OSBPL10: variants seen among roughly 807,000 people sequenced by gnomAD.
OSBPL10 encodes the protein oxysterol-binding protein-related protein 10.
A neutral mutation model predicts 81.7 loss-of-function variants in OSBPL10; 49 were observed. The observed-to-expected ratio is 0.60, with a 90% confidence interval of 0.48 to 0.76. OSBPL10 has a LOEUF of 0.76. Ranked by LOEUF, OSBPL10 falls within the 30% of genes least tolerant of loss-of-function variation. The pLI is 0.00. For synonymous variants in OSBPL10, 419 were observed against 383.6 expected, an observed-to-expected ratio of 1.09 and a Z score of -1.08; for missense variants, 923 against 987.8, an observed-to-expected ratio of 0.93 and a Z score of 0.88.
intron 4 of OSBPL10, among the ~76,000 whole-genome samples, chr3:31,791,152 T>C (rs1263960788): frequency 1.3e-5 from 2 of 152,236 alleles, no homozygotes; most frequent in Admixed American, 1.3e-4. Context: ...AATAGAAGTG[T>C]CATTTTAAAC....
chr3:31,710,989 G>T (rs1400741345), intron 6 of OSBPL10: 1 of 152,226 alleles, frequency 6.6e-6, no homozygotes, highest in Admixed American at 6.5e-5. Context: ...TTAAGATATG[G>T]TCTCAGCATT....
intron 1 of OSBPL10, among the ~76,000 whole-genome samples, chr3:32,058,649 A>G (rs1275130269): frequency 1.3e-5 from 2 of 152,014 alleles, no homozygotes; most frequent in Non-Finnish European, 2.9e-5. Flanking sequence ...AATGTTTTAA[A>G]TGATGCATGC....
chr3:31,693,672 G>A (rs533891210), intron 7 of OSBPL10, among the ~76,000 whole-genome samples: 6 of 152,226 alleles, frequency 3.9e-5, no homozygotes, highest in African/African-American at 1.4e-4. Flanking sequence ...CATTTTCTAC[G>A]GCTGCCTTTG....
At chr3:31,846,421 C>T (rs1700633175) in intron 3 of OSBPL10, among the ~76,000 whole-genome samples, 1 of 151,986 alleles carries the variant, frequency 6.6e-6, no homozygotes, top group African/African-American at 2.4e-5. Flanking sequence ...GTCAGGAGTT[C>T]GAGATCAGTC....
intron 2 of OSBPL10, among the ~76,000 whole-genome samples, chr3:32,001,531 A>G (rs1699147533): frequency 6.6e-6 from 1 of 152,240 alleles, no homozygotes; most frequent in Admixed American, 6.5e-5. Context: ...CAACTCATTA[A>G]TTAATAGGGA....
intron 3 of OSBPL10, among the ~76,000 whole-genome samples, chr3:31,840,746 C>T (rs996362740): frequency 6.6e-5 from 10 of 152,178 alleles, no homozygotes; most frequent in Non-Finnish European, 1.2e-4. Context: ...CTTCTTTTCT[C>T]CTGTGCTTTT....
At chr3:31,919,090 T>G (rs1696837978) in intron 1 of OSBPL10, among the ~76,000 whole-genome samples, 1 of 152,176 alleles carries the variant, frequency 6.6e-6, no homozygotes, top group South Asian at 2.1e-4. Context: ...TACTGTACCT[T>G]CTACCCAGAA....
At chr3:31,880,927 T>G in intron 1 of OSBPL10, among the ~76,000 whole-genome samples, 1 of 152,336 alleles carries the variant, frequency 6.6e-6, no homozygotes, top group South Asian at 2.1e-4. Context: ...ACAAGCTACA[T>G]ACTAGTCATG....
intron 2 of OSBPL10, 182 bp downstream of exon 2, chr3:31,879,473 T>C: frequency 1.7e-6 from 1 of 603,302 alleles, no homozygotes; most frequent in Non-Finnish European, 2.8e-6. Context: ...GACAAGTAAT[T>C]CCTAATGTCA....
chr3:31,688,279 T>TCACACACACACA (rs879415490), intron 7 of OSBPL10, among the ~76,000 whole-genome samples: 1 of 77,780 alleles, frequency 1.3e-5, no homozygotes, highest in African/African-American at 3.3e-5. Context: ...TCTCTCTCTC[T>TCACACACACACA]CTCTCACACA....
At chr3:31,727,394 A>G (rs199622976) in intron 6 of OSBPL10, among the ~76,000 whole-genome samples, 4 of 114,014 alleles carry the variant, frequency 3.5e-5, no homozygotes, top group East Asian at 2.1e-4. Flanking sequence ...GATTCAAAGG[A>G]AAAAAAAAAA....
chr3:31,734,162 C>G (rs866747538), intron 5 of OSBPL10, among the ~76,000 whole-genome samples: 1 of 152,140 alleles, frequency 6.6e-6, no homozygotes, highest in Non-Finnish European at 1.5e-5. Flanking sequence ...CACCCCTGCC[C>G]TCAGACGTGG....
At chr3:31,768,024 C>A (rs771154777) in intron 4 of OSBPL10, among the ~76,000 whole-genome samples, 2 of 152,130 alleles carry the variant, frequency 1.3e-5, no homozygotes, top group Non-Finnish European at 2.9e-5. Context: ...ATGGTTATTT[C>A]TTGATCGTGC....
At chr3:32,066,891 T>C (rs890468279) in intron 1 of OSBPL10, among the ~76,000 whole-genome samples, 5 of 152,220 alleles carry the variant, frequency 3.3e-5, no homozygotes, top group African/African-American at 1.2e-4. Flanking sequence ...TCACTCATGC[T>C]AAAGTTCTGA....
At chr3:31,846,541 G>C (rs1195517157) in intron 3 of OSBPL10, among the ~76,000 whole-genome samples, 2 of 151,974 alleles carry the variant, frequency 1.3e-5, no homozygotes, top group African/African-American at 4.8e-5. Flanking sequence ...CTGAGGCTGA[G>C]GAATCGCTTG....
intron 2 of OSBPL10, among the ~76,000 whole-genome samples, chr3:32,036,106 G>A (rs994475607): frequency 5.3e-5 from 8 of 152,182 alleles, no homozygotes; most frequent in African/African-American, 1.7e-4. Context: ...GGGGTGCAGT[G>A]GCACATTCCT....
At chr3:31,664,525 C>CA (rs1372659040) in intron 10 of OSBPL10, 1 of 525,300 alleles carries the variant, frequency 1.9e-6, no homozygotes, top group Non-Finnish European at 3.4e-6. Context: ...GCTACTACTA[C>CA]AAACAACGGT....
intron 1 of OSBPL10, among the ~76,000 whole-genome samples, chr3:32,058,184 T>A (rs1206573243): frequency 6.6e-6 from 1 of 152,206 alleles, no homozygotes; most frequent in African/African-American, 2.4e-5. Flanking sequence ...AGGGATGAGA[T>A]GCCCTAATGT....
At chr3:31,706,500 C>T (rs1173929620) in intron 6 of OSBPL10, among the ~76,000 whole-genome samples, 1 of 151,956 alleles carries the variant, frequency 6.6e-6, no homozygotes, top group Non-Finnish European at 1.5e-5. Flanking sequence ...ACAGCATCTA[C>T]AGATGTGACT....
Sources: gnomAD v4.1 joint callset for allele counts (sites outside exome capture counted in the v4.1 genomes callset) on GRCh38, gnomAD v4.1.1 for gene constraint, MANE v1.5 for transcripts, NCBI Gene and HGNC (gene_info 2026-07-23, HGNC 2026-07-21) for gene names.